IFRD1: variants seen among roughly 807,000 people sequenced by gnomAD.
IFRD1 encodes the protein interferon-related developmental regulator 1.
A neutral mutation model predicts 52.9 loss-of-function variants in IFRD1; 35 were observed. That is an observed-to-expected ratio of 0.66 (90% CI 0.51 to 0.88). IFRD1 has a LOEUF of 0.88. IFRD1 is among the 40% of genes least tolerant of loss of function. The pLI, the probability that IFRD1 is intolerant of heterozygous loss-of-function variation, is 0.00. For synonymous variants in IFRD1, 184 were observed against 188.4 expected (o/e 0.98, Z 0.19); for missense variants, 517 against 550.8 (o/e 0.94, Z 0.61).
chr7:112,441,890 C>T (rs1014961535), intron 1 of IFRD1, among the ~76,000 whole-genome samples: 8 of 152,114 alleles, frequency 5.3e-5, no homozygotes, highest in African/African-American at 1.9e-4. Context: ...TGAGACTTTT[C>T]CAAAAATGAT....
At chr7:112,471,640 C>T (rs1267430311) in intron 9 of IFRD1, among the ~76,000 whole-genome samples, 3 of 152,182 alleles carry the variant, frequency 2.0e-5, no homozygotes, top group African/African-American at 7.2e-5. Context: ...CCCATGGTTA[C>T]ACCTTCGAAA....
At chr7:112,473,574 A>C (rs1483419279) in intron 11 of IFRD1, among the ~76,000 whole-genome samples, 2 of 151,912 alleles carry the variant, frequency 1.3e-5, no homozygotes, top group Admixed American at 6.6e-5. Flanking sequence ...ACAGGTGTGC[A>C]TTACCACACC....
intron 1 of IFRD1, among the ~76,000 whole-genome samples, chr7:112,436,299 AACT>A (rs1794689495): frequency 6.6e-6 from 1 of 152,234 alleles, no homozygotes; most frequent in East Asian, 1.9e-4. Context: ...AACACGTTTT[AACT>A]ATGAATGAAA....
chr7:112,461,250 G>T (rs1439585089), intron 5 of IFRD1: 2 of 152,152 alleles, frequency 1.3e-5, no homozygotes, highest in Non-Finnish European at 2.9e-5. Context: ...TTTCTTGGAA[G>T]CTGATTTCTT....
intron 1 of IFRD1, among the ~76,000 whole-genome samples, chr7:112,445,290 TCTC>T (rs1795000423): frequency 1.3e-5 from 2 of 151,918 alleles, no homozygotes; most frequent in Non-Finnish European, 1.5e-5. Context: ...ATGGTCTCGA[TCTC>T]CTGACCTTGT....
intron 10 of IFRD1, 103 bp from the exon 11 acceptor site, chr7:112,472,663 C>T: frequency 1.2e-6 from 1 of 830,638 alleles, no homozygotes; most frequent in Admixed American, 1.8e-5. Context: ...CTAAGTTTAT[C>T]TGTGGGTTCC....
rs1795884071 is a variant in IFRD1 at position 112,475,695 on chromosome 7, A to T, written c.*176A>T. 1 of 574,130 alleles carries T rather than the reference A, an allele frequency of 1.7e-6. No individual in the cohort carries two copies. Among genetic ancestry groups the T allele is most frequent in the Non-Finnish European group, 3.1e-6 (1 of 327,866 alleles). The allele number at this position is 574,130 out of a possible 1,614,324, so 35.6% of individuals were successfully genotyped here. A position where few individuals can be genotyped will look rare whatever the true frequency, so the allele number is the denominator to read the frequency against. The stretch of plus-strand genomic sequence containing the variant: ...GAAACTGGTGAGTTCTGATTATTAA[A>T]TATTCTCTGTAAATCAGTAAACATG... On this transcript the variant is annotated 3_prime_UTR_variant, in exon 12 of 12. Transcript: ENST00000403825.
intron 1 of IFRD1, among the ~76,000 whole-genome samples, chr7:112,424,382 A>AGG: frequency 6.6e-6 from 1 of 151,774 alleles, no homozygotes; most frequent in South Asian, 2.1e-4. Context: ...TGTCTGGTGA[A>AGG]GGGAAGGTAA....
intron 4 of IFRD1, chr7:112,457,356 C>A: frequency 2.1e-6 from 1 of 481,452 alleles, no homozygotes; most frequent in Non-Finnish European, 3.7e-6. Context: ...AGACATCTAG[C>A]TCATTTTCCC....
At chr7:112,465,062 G>A (rs190429016) in intron 8 of IFRD1, among the ~76,000 whole-genome samples, 2 of 152,246 alleles carry the variant, frequency 1.3e-5, no homozygotes, top group Admixed American at 6.5e-5. Flanking sequence ...TAAAGACAGG[G>A]TCTCACTCTG....
intron 1 of IFRD1, among the ~76,000 whole-genome samples, chr7:112,424,977 C>T (rs1054411938): frequency 3.9e-5 from 6 of 152,104 alleles, no homozygotes; most frequent in African/African-American, 1.4e-4. Flanking sequence ...ATGTATTCTA[C>T]AGCACTTGGG....
At chr7:112,454,792 T>C (rs1795245644) in intron 1 of IFRD1, among the ~76,000 whole-genome samples, 1 of 151,964 alleles carries the variant, frequency 6.6e-6, no homozygotes, top group Non-Finnish European at 1.5e-5. Context: ...TATTTCTGGA[T>C]CTGTTTTCAT....
At chr7:112,430,986 T>G (rs1487595436) in intron 1 of IFRD1, among the ~76,000 whole-genome samples, 1 of 152,242 alleles carries the variant, frequency 6.6e-6, no homozygotes, top group Non-Finnish European at 1.5e-5. Flanking sequence ...TCTTCTTCTT[T>G]CTTGCCTCAT....
intron 8 of IFRD1, among the ~76,000 whole-genome samples, chr7:112,463,627 C>T (rs1233789429): frequency 6.6e-6 from 1 of 152,090 alleles, no homozygotes; most frequent in East Asian, 1.9e-4. Flanking sequence ...TTAATAGCTT[C>T]TTAACCTCAA....
At chr7:112,423,964 G>A (rs555398712) in intron 1 of IFRD1, among the ~76,000 whole-genome samples, 22 of 152,350 alleles carry the variant, frequency 1.4e-4, no homozygotes, top group African/African-American at 5.3e-4. Flanking sequence ...ACTGCTTGCA[G>A]AGTCCAGTTA....
intron 5 of IFRD1, among the ~76,000 whole-genome samples, chr7:112,460,715 A>G (rs4730549): frequency 0.13 from 20,024 of 152,040 alleles, 1,497 homozygotes; most frequent in South Asian, 0.3. Context: ...ATATAATGAC[A>G]ATAAAATAGT....
At chr7:112,435,623 T>TGTGTGTGA (rs1794660707) in intron 1 of IFRD1, 1 of 146,338 alleles carries the variant, frequency 6.8e-6, no homozygotes, top group African/African-American at 2.5e-5. Context: ...CTGCTACAGG[T>TGTGTGTGA]GTGTGTGTGT....
intron 8 of IFRD1, among the ~76,000 whole-genome samples, chr7:112,466,728 A>G (rs568103727): frequency 3.0e-4 from 46 of 152,334 alleles, no homozygotes; most frequent in African/African-American, 9.6e-4. Context: ...CTTTACATAT[A>G]CATATATACA....
At chr7:112,433,098 A>G (rs572237669) in intron 1 of IFRD1, among the ~76,000 whole-genome samples, 18 of 152,200 alleles carry the variant, frequency 1.2e-4, no homozygotes, top group Non-Finnish European at 2.5e-4. Flanking sequence ...GTAACCTCCC[A>G]ATGGGTTCTC....
Sources: allele counts gnomAD v4.1 joint callset (sites outside exome capture counted in the v4.1 genomes callset), GRCh38; gene constraint gnomAD v4.1.1; transcripts MANE v1.5; gene names NCBI Gene and HGNC (gene_info 2026-07-23, HGNC 2026-07-21).